POMT2: variants seen among roughly 807,000 people sequenced by gnomAD.
The protein encoded by POMT2 is protein O-mannosyltransferase 2, also known as protein O-mannosyl-transferase 2.
POMT2 carries 75 observed loss-of-function variants against 100.0 expected under a neutral mutation model. The ratio of observed to expected loss-of-function variants is 0.75; its 90% CI spans 0.62 to 0.91. The LOEUF (loss-of-function observed/expected upper bound fraction) is 0.91. Among genes scored for constraint, POMT2 ranks in the 40% least tolerant of loss-of-function variants. POMT2 has a pLI of 0.00. For synonymous variants in POMT2, 378 were observed against 374.1 expected, an observed-to-expected ratio of 1.01 and a Z score of -0.12; for missense variants, 940 against 955.1, an observed-to-expected ratio of 0.98 and a Z score of 0.21.
At position 77,296,219 on chromosome 14, in the gene POMT2, T is replaced by C. The variant is rs751206357; in HGVS notation, c.1061A>G (p.Tyr354Cys). 3 of 1,609,676 alleles carry C rather than the reference T, an allele frequency of 1.9e-6. No individual in the cohort carries two copies. The highest frequency in any genetic ancestry group is 2.2e-5 in the East Asian group (1 of 44,782). ...GTAGAGGTGCCTGTGGGAGTGCAGATAGCCGATGGCCATCCGGAGGTTCTT... is the reference window on the plus strand; with the variant it reads ...GTAGAGGTGCCTGTGGGAGTGCAGACAGCCGATGGCCATCCGGAGGTTCTT... ...TVKNLRMAIG[Y>C]LHSHRHLYPE... Residue 354 changes from tyrosine (Y) to cysteine (C), a missense_variant, in exon 9 of 21, where the codon TAT becomes TGT. Tyr to Cys is a radical substitution (Grantham distance 194). Transcript: ENST00000261534.
intron 2 of POMT2, 130 bp from the exon 3 acceptor site, chr14:77,306,571 A>AAT (rs1416861646): frequency 2.0e-6 from 2 of 1,018,340 alleles, no homozygotes; most frequent in Non-Finnish European, 1.5e-6. Context: ...AAATGTTGCC[A>AAT]ATGCAACATT....
intron 6 of POMT2, 168 bp downstream of exon 6, chr14:77,300,922 C>A: frequency 8.3e-7 from 1 of 1,203,206 alleles, no homozygotes; most frequent in Non-Finnish European, 1.2e-6. Context: ...CTCAGCCGGG[C>A]CCACTCCCTG....
rs1889930553 is a variant in POMT2, at chr14:77,275,981, A to G, written c.*1395T>C. The G allele has an allele frequency of 6.6e-6, 1 of 152,612 alleles. No homozygotes were observed. Among genetic ancestry groups the G allele is most frequent in the African/African-American group, 2.4e-5 (1 of 41,462 alleles). 9.5% of individuals were successfully genotyped at this position (152,612 alleles called of 1,614,324 possible). Reference sequence around the variant, plus strand: ...GGCAACCGCCTCCTGAAGATGCTTTAAAGAGATCTGACCCTGTCAGAGTTG... The same window carrying G: ...GGCAACCGCCTCCTGAAGATGCTTTGAAGAGATCTGACCCTGTCAGAGTTG... On this transcript the variant is annotated 3_prime_UTR_variant, in exon 21 of 21. Transcript: ENST00000261534.
In POMT2 at chr14:77,277,154, C is replaced by T. The variant is rs984503499; in HGVS notation, c.*222G>A. 6 of 575,416 alleles carry T rather than the reference C, an allele frequency of 1.0e-5. No homozygotes were observed. Among genetic ancestry groups the T allele is most frequent in the African/African-American group, 5.6e-5 (3 of 53,792 alleles). 35.6% of individuals were successfully genotyped at this position (575,416 alleles called of 1,614,324 possible). ...GTGCACGAGGGAGCAGCCCAAGAGG[C>T]GCTGTCCTCTCCGTGGTGCTGTGGA... On this transcript the variant is annotated 3_prime_UTR_variant, in exon 21 of 21. Coordinates refer to ENST00000261534, the MANE Select transcript of POMT2 (RefSeq NM_013382.7).
chr14:77,306,103 G>A, intron 3 of POMT2: 1 of 557,398 alleles, frequency 1.8e-6, no homozygotes, highest in South Asian at 1.9e-5. Flanking sequence ...GACAATGCGT[G>A]CCTGCTTCTA....
In POMT2 at chr14:77,291,389, G is replaced by C; in HGVS notation, c.1117-9C>G. 1 of 602,372 alleles carries C rather than the reference G, an allele frequency of 1.7e-6. No homozygotes were observed. The highest frequency in any genetic ancestry group is 2.8e-6 in the Non-Finnish European group (1 of 351,404). The allele number at this position is 602,372 out of a possible 1,614,324, so 37.3% of individuals were successfully genotyped here. A position where few individuals can be genotyped will look rare whatever the true frequency, so the allele number is the denominator to read the frequency against. Reference sequence around the variant, plus strand: ...TGCAAATAGGTGGTGACCTGGGTGGGGGGTGGGGGCGGAGGGAAGAGGAAG... The same window carrying C: ...TGCAAATAGGTGGTGACCTGGGTGGCGGGTGGGGGCGGAGGGAAGAGGAAG... On this transcript the variant is annotated splice_polypyrimidine_tract_variant and intron_variant, in intron 9 of 20. Transcript: ENST00000261534.
intron 6 of POMT2, 64 bp downstream of exon 6, chr14:77,301,026 C>G: frequency 6.2e-7 from 1 of 1,611,462 alleles, no homozygotes; most frequent in Non-Finnish European, 8.5e-7. Context: ...GAGAAGGCCA[C>G]CAGCTCCTAC....
rs1890397099 is a variant in POMT2, at chr14:77,285,598, A to G, written c.1367T>C (p.Ile456Thr). Residue 456 changes from isoleucine to threonine, a missense_variant, in exon 13 of 21, where the codon ATT becomes ACT. Physicochemically the swap from Ile to Thr is moderately conservative, Grantham distance 89. Coordinates refer to ENST00000261534, the MANE Select transcript of POMT2 (RefSeq NM_013382.7). ...TCCAAATTTCCTGTTTACGACCTCA[A>G]TCCGCCAGAAATCATTTGAGTCCCC... ...GTGDSNDFWR[I>T]EVVNRKFGNR... 2 of 1,613,292 alleles carry G rather than the reference A, an allele frequency of 1.2e-6. No homozygotes were observed. Among genetic ancestry groups the G allele is most frequent in the Non-Finnish European group, 1.7e-6 (2 of 1,179,272 alleles).
chr14:77,286,866 GA>G, intron 11 of POMT2, 44 bp from the exon 12 acceptor site: 1 of 1,613,766 alleles, frequency 6.2e-7, no homozygotes, highest in Non-Finnish European at 8.5e-7. Context: ...ATAGAAAGAT[GA>G]TGTGCAACAT....
intron 1 of POMT2, among the ~76,000 whole-genome samples, chr14:77,318,462 C>T (rs191361608): frequency 2.6e-5 from 4 of 152,370 alleles, no homozygotes; most frequent in Admixed American, 2.0e-4. Flanking sequence ...CACAGATCAG[C>T]ACCACCTTCT....
At chr14:77,303,635 T>A (rs949239756) in intron 4 of POMT2, among the ~76,000 whole-genome samples, 7 of 152,176 alleles carry the variant, frequency 4.6e-5, no homozygotes, top group African/African-American at 1.7e-4. Flanking sequence ...TGAATGCTCT[T>A]CCCTCAGATC....
At chr14:77,288,427 T>C (rs1393451907) in intron 11 of POMT2, among the ~76,000 whole-genome samples, 1 of 152,050 alleles carries the variant, frequency 6.6e-6, no homozygotes, top group South Asian at 2.1e-4. Context: ...TAGCAACCAT[T>C]TGGGAGGCTG....
chr14:77,319,065 C>T (rs1196204407), intron 1 of POMT2, among the ~76,000 whole-genome samples: 1 of 152,152 alleles, frequency 6.6e-6, no homozygotes, highest in Non-Finnish European at 1.5e-5. Flanking sequence ...AAAATTTTTA[C>T]AAGGGTAGTG....
intron 9 of POMT2, among the ~76,000 whole-genome samples, chr14:77,295,898 G>A (rs118001276): frequency 1.1e-3 from 165 of 152,146 alleles, no homozygotes; most frequent in Non-Finnish European, 2.0e-3. Context: ...GGTTTACCAC[G>A]TAGGCATGTG....
chr14:77,315,524 TG>T, intron 1 of POMT2, among the ~76,000 whole-genome samples: 1 of 152,360 alleles, frequency 6.6e-6, no homozygotes, highest in African/African-American at 2.4e-5. Flanking sequence ...CAGAGCTCTT[TG>T]GGCCTCTTCA....
chr14:77,299,493 T>C lies in POMT2; in HGVS notation c.885A>G (p.Thr295=). ...CCATGAAGTGAACAGCAAAGGTGGC[T>C]GTATAGAGAGCCAGGGGCAGCACTA... ...CLIVLPLALY[T]ATFAVHFMVL... The change falls in exon 7 of 21, where the codon ACA becomes ACG. Residue 295 remains threonine (T), a synonymous_variant. Transcript: ENST00000261534. 1 of 1,614,140 alleles carries C rather than the reference T, an allele frequency of 6.2e-7. No homozygotes were observed. The highest frequency in any genetic ancestry group is 8.5e-7 in the Non-Finnish European group (1 of 1,180,016).
At chr14:77,317,767 CA>C (rs1161275965) in intron 1 of POMT2, among the ~76,000 whole-genome samples, 2 of 152,212 alleles carry the variant, frequency 1.3e-5, no homozygotes, top group Non-Finnish European at 2.9e-5. Context: ...CATTTCTGGC[CA>C]TGATTCATCT....
rs567246454 is a variant in POMT2 at position 77,314,852 on chromosome 14, A to G, written c.249-2819T>C. 1.2e-4 allele frequency among the ~76,000 whole-genome samples: 19 copies of G among 152,370 alleles called. No individual in the cohort carries two copies. In the South Asian group the frequency reaches 3.7e-3, roughly 30 times the overall value. On this transcript the variant is annotated intron_variant, in intron 1 of 20. Transcript: ENST00000261534. ...GAACTTTGAGTAAAATGAAACACTG[A>G]AAGATCCTTGGGGGAGCTGTGTACT...
Position 77,280,478 on chromosome 14 carries a change from C to CA in POMT2, c.1654-16dup. On this transcript the variant is annotated splice_polypyrimidine_tract_variant and intron_variant, in intron 15 of 20. Coordinates refer to ENST00000261534, the MANE Select transcript of POMT2 (RefSeq NM_013382.7). ...CCACTGTTCCCCTGCATGAAGGTAGCAAAGAAAGCTAGTCAAGACAGAGAT... is the reference window on the plus strand; with the variant it reads ...CCACTGTTCCCCTGCATGAAGGTAGCAAAAGAAAGCTAGTCAAGACAGAGAT... 1.2e-6 allele frequency: 2 copies of CA among 1,614,164 alleles called. No individual in the cohort carries two copies. Among genetic ancestry groups the CA allele is most frequent in the South Asian group, 2.2e-5 (2 of 91,084 alleles).
Sources: gnomAD v4.1 joint callset for allele counts (sites outside exome capture counted in the v4.1 genomes callset) on GRCh38, gnomAD v4.1.1 for gene constraint, MANE v1.5 for transcripts, NCBI Gene and HGNC (gene_info 2026-07-23, HGNC 2026-07-21) for gene names.